The following VGLL4 variants were observed in gnomAD, a reference collection of about 807,000 sequenced individuals.
VGLL4 encodes the protein vestigial like family member 4.
In VGLL4, 7 loss-of-function variants were observed where a neutral mutation model predicts 21.0. The observed-to-expected ratio is 0.33, with a 90% CI of 0.19 to 0.63. The LOEUF is 0.63. Among genes scored for constraint, VGLL4 ranks in the 20% least tolerant of loss-of-function variants. The pLI is 0.78. For missense variants in VGLL4, 394 were observed against 425.7 expected, an observed-to-expected ratio of 0.93 and a Z score of 0.66; for synonymous variants, 222 against 173.2, an observed-to-expected ratio of 1.28 and a Z score of -2.21.
chr3:11,715,060 G>A (rs1002892252), intron 1 of VGLL4, among the ~76,000 whole-genome samples: 5 of 151,736 alleles, frequency 3.3e-5, no homozygotes, highest in Non-Finnish European at 7.4e-5. Context: ...GCGTGAACTC[G>A]GGAGGCGGAG....
chr3:11,715,306 A>C (rs573124262), intron 1 of VGLL4, among the ~76,000 whole-genome samples: 116 of 152,276 alleles, frequency 7.6e-4, no homozygotes, highest in Middle Eastern at 3.4e-3. Context: ...GTAGCACTGT[A>C]GTTATTACCA....
At chr3:11,575,307 C>T (rs1047726281) in intron 2 of VGLL4, among the ~76,000 whole-genome samples, 1 of 152,238 alleles carries the variant, frequency 6.6e-6, no homozygotes, top group Admixed American at 6.5e-5. Context: ...CTCTGTCTCT[C>T]TAACTGCGCC....
At chr3:11,560,566 C>T (rs751414066) in intron 3 of VGLL4, among the ~76,000 whole-genome samples, 10 of 152,132 alleles carry the variant, frequency 6.6e-5, no homozygotes, top group South Asian at 6.2e-4. Context: ...TCATGATAGA[C>T]GACAGTGATT....
At chr3:11,659,794 AT>A (rs1201654080) in intron 2 of VGLL4, among the ~76,000 whole-genome samples, 1 of 152,244 alleles carries the variant, frequency 6.6e-6, no homozygotes, top group Non-Finnish European at 1.5e-5. Context: ...CCCATTGATT[AT>A]TGCATGAGCA....
chr3:11,711,481 G>A (rs2076844525), intron 1 of VGLL4, among the ~76,000 whole-genome samples: 2 of 151,350 alleles, frequency 1.3e-5, no homozygotes, highest in African/African-American at 4.9e-5. Flanking sequence ...GCAGAAGAAT[G>A]GCGTGAACCC....
At chr3:11,594,069 A>G (rs1458794296) in intron 2 of VGLL4, among the ~76,000 whole-genome samples, 2 of 152,238 alleles carry the variant, frequency 1.3e-5, no homozygotes, top group African/African-American at 4.8e-5. Flanking sequence ...CACTTCCCCT[A>G]GAGACAGGGT....
chr3:11,709,983 G>C (rs2076816463), intron 1 of VGLL4, among the ~76,000 whole-genome samples: 1 of 152,188 alleles, frequency 6.6e-6, no homozygotes, highest in Non-Finnish European at 1.5e-5. Flanking sequence ...CTTCTGGTGA[G>C]ACCTCAGGAA....
chr3:11,676,170 G>A (rs543186611), intron 2 of VGLL4, among the ~76,000 whole-genome samples: 3 of 152,142 alleles, frequency 2.0e-5, no homozygotes, highest in African/African-American at 4.8e-5. Flanking sequence ...TGTGGATCAC[G>A]AGGTCAGGAT....
At chr3:11,669,787 C>T (rs1392808580) in intron 2 of VGLL4, among the ~76,000 whole-genome samples, 1 of 152,158 alleles carries the variant, frequency 6.6e-6, no homozygotes, top group East Asian at 1.9e-4. Context: ...CCAAGAAATC[C>T]TCCCATCTCA....
intron 3 of VGLL4, among the ~76,000 whole-genome samples, chr3:11,562,991 G>C (rs900847175): frequency 5.9e-5 from 9 of 152,236 alleles, no homozygotes; most frequent in Non-Finnish European, 1.3e-4. Context: ...AGGGAGACAG[G>C]GTAAAGAGAG....
chr3:11,655,863 C>T (rs1490081402), intron 2 of VGLL4, among the ~76,000 whole-genome samples: 1 of 152,214 alleles, frequency 6.6e-6, no homozygotes, highest in African/African-American at 2.4e-5. Context: ...CCCTCCCATT[C>T]ACATCCGTGC....
chr3:11,695,052 C>CT (rs11457651), intron 2 of VGLL4, among the ~76,000 whole-genome samples: 34,909 of 138,524 alleles, frequency 0.25, 6,094 homozygotes, highest in East Asian at 0.54. Flanking sequence ...TGTTCTCATT[C>CT]TTTTTTTTTT....
In VGLL4 at chr3:11,601,895, G is replaced by C. The variant is rs367900736; in HGVS notation, c.210C>G (p.Asp70Glu). ...GGTCGTTGTCACAGTCTAGGTCCTC[G>C]TCACCTGGCTCCATGCTGAACTTCC... ...SKRKFSMEPG[D>E]EDLDCDNDHV... Residue 70 changes from aspartate (D) to glutamate (E), a missense_variant, in exon 2 of 5, where the codon GAC becomes GAG. Coordinates refer to ENST00000430365, the MANE Select transcript of VGLL4 (RefSeq NM_001128219.3). 1.2e-6 allele frequency: 2 copies of C among 1,613,828 alleles called. No homozygotes were observed. The highest frequency in any genetic ancestry group is 1.7e-6 in the Non-Finnish European group (2 of 1,179,894).
chr3:11,666,113 A>G (rs997320099), intron 2 of VGLL4, among the ~76,000 whole-genome samples: 2 of 152,088 alleles, frequency 1.3e-5, no homozygotes, highest in Admixed American at 6.5e-5. Context: ...TTAGCCAGGC[A>G]TGGTAGTGGG....
At chr3:11,669,297 G>C (rs2076171573) in intron 2 of VGLL4, among the ~76,000 whole-genome samples, 1 of 152,150 alleles carries the variant, frequency 6.6e-6, no homozygotes, top group Admixed American at 6.5e-5. Flanking sequence ...AAGCCAGGAG[G>C]ATCCTTGAGC....
At chr3:11,710,648 T>G (rs1004997938) in intron 1 of VGLL4, 2 of 152,254 alleles carry the variant, frequency 1.3e-5, no homozygotes, top group Admixed American at 6.5e-5. Context: ...TAATTCCTGT[T>G]GGCCCTGTTC....
At chr3:11,680,802 G>A (rs1301573418) in intron 2 of VGLL4, among the ~76,000 whole-genome samples, 2 of 152,196 alleles carry the variant, frequency 1.3e-5, no homozygotes, top group East Asian at 3.8e-4. Context: ...GAGACCACAG[G>A]CAAGCTGCGA....
intron 2 of VGLL4, among the ~76,000 whole-genome samples, chr3:11,659,326 C>CTTTTTTTTTTTTTTTTTT (rs5846714): frequency 1.4e-5 from 1 of 70,824 alleles, no homozygotes; most frequent in African/African-American, 5.3e-5. Context: ...TTTTCTTTTT[C>CTTTTTTTTTTTTTTTTTT]TTTTTTTTTT....
intron 3 of VGLL4, among the ~76,000 whole-genome samples, chr3:11,561,507 C>A (rs1417309915): frequency 6.6e-6 from 1 of 152,144 alleles, no homozygotes; most frequent in Non-Finnish European, 1.5e-5. Flanking sequence ...GCAGGGTGGC[C>A]CGTGAGCCCT....
Sources: gnomAD v4.1 joint callset for allele counts (sites outside exome capture counted in the v4.1 genomes callset) on GRCh38, gnomAD v4.1.1 for gene constraint, MANE v1.5 for transcripts, NCBI Gene and HGNC (gene_info 2026-07-23, HGNC 2026-07-21) for gene names.